PDE11A: variants seen among roughly 807,000 people sequenced by gnomAD.
PDE11A encodes phosphodiesterase 11A.
A neutral mutation model predicts 100.5 loss-of-function variants in PDE11A; 100 were observed. That is an observed-to-expected ratio of 1.00 (90% CI 0.85 to 1.18). The LOEUF (loss-of-function observed/expected upper bound fraction) is 1.18, where lower values mean the gene tolerates loss of function less well. Ranked by LOEUF, PDE11A falls within the 50% of genes most tolerant of loss-of-function variation. The pLI is 0.00. For missense variants in PDE11A, 1,141 were observed against 1,152.6 expected (o/e 0.99, Z 0.15); for synonymous variants, 381 against 420.8 (o/e 0.91, Z 1.16).
At chr2:177,806,923 G>A (rs1258796336) in intron 9 of PDE11A, among the ~76,000 whole-genome samples, 3 of 152,078 alleles carry the variant, frequency 2.0e-5, no homozygotes, top group Non-Finnish European at 4.4e-5. Context: ...CCAGAGAACT[G>A]TGGGCCAATA....
intron 15 of PDE11A, among the ~76,000 whole-genome samples, chr2:177,681,751 C>T (rs11901841): frequency 0.05 from 7,645 of 152,212 alleles, 625 homozygotes; most frequent in African/African-American, 0.17. Context: ...ATTATTCCTT[C>T]CTCCCTTTTG....
At chr2:177,962,844 G>GA (rs11297475) in intron 2 of PDE11A, among the ~76,000 whole-genome samples, 5 of 151,694 alleles carry the variant, frequency 3.3e-5, no homozygotes, top group African/African-American at 4.8e-5. Flanking sequence ...AAAAGCTAAA[G>GA]AAAAAAAATC....
In PDE11A at chr2:177,853,730, G is replaced by GTGTA. The variant is rs1234924515; in HGVS notation, c.1368-13348_1368-13347insTACA. Among the ~76,000 whole-genome samples, 299 of 88,376 alleles carry GTGTA rather than the reference G, an allele frequency of 3.4e-3. 6 individuals carry two copies. The highest frequency in any genetic ancestry group is 0.031 in the South Asian group (79 of 2,558). The allele number at this position is 88,376 out of a possible 152,430, so 58.0% of individuals were successfully genotyped here. A position where few individuals can be genotyped will look rare whatever the true frequency, so the allele number is the denominator to read the frequency against. The stretch of plus-strand genomic sequence containing the variant: ...TGTGTGTGTTTGTGTGTGTGTGTGT[G>GTGTA]TATATCTATATGTGTGTATATATAT... On this transcript the variant is annotated intron_variant, in intron 5 of 19. Transcript: ENST00000286063.
chr2:177,857,692 G>T (rs1342719125), intron 5 of PDE11A, among the ~76,000 whole-genome samples: 1 of 151,898 alleles, frequency 6.6e-6, no homozygotes, highest in East Asian at 1.9e-4. Context: ...TTTATCACTA[G>T]TTACATTAAA....
chr2:178,017,223 G>C (rs2086349882), intron 1 of PDE11A, among the ~76,000 whole-genome samples: 1 of 152,260 alleles, frequency 6.6e-6, no homozygotes, highest in Admixed American at 6.5e-5. Context: ...TGTATGTAGA[G>C]ACATTTTTCC....
chr2:177,775,313 C>T (rs748323034), intron 9 of PDE11A, among the ~76,000 whole-genome samples: 1 of 152,122 alleles, frequency 6.6e-6, no homozygotes, highest in African/African-American at 2.4e-5. Context: ...TCAGTCTTCC[C>T]CAGCTCTGTA....
chr2:177,629,733 C>A (rs1245243087), intron 19 of PDE11A, among the ~76,000 whole-genome samples, 171 bp from the exon 20 acceptor site: 1 of 152,032 alleles, frequency 6.6e-6, no homozygotes, highest in Admixed American at 6.6e-5. Flanking sequence ...CATTTAACAC[C>A]AATATGTTGT....
chr2:177,858,473 CA>C (rs1194612362), intron 5 of PDE11A, among the ~76,000 whole-genome samples: 1 of 151,164 alleles, frequency 6.6e-6, no homozygotes, highest in Non-Finnish European at 1.5e-5. Flanking sequence ...GAAATTTATG[CA>C]GCCAACAGAC....
chr2:177,631,310 A>C (rs1559116924), intron 19 of PDE11A, among the ~76,000 whole-genome samples: 32 of 41,414 alleles, frequency 7.7e-4, no homozygotes, highest in Non-Finnish European at 1.2e-3. Flanking sequence ...AAAAAAAAAA[A>C]CAAAAAAAAA....
intron 5 of PDE11A, among the ~76,000 whole-genome samples, chr2:177,863,060 G>T (rs1410139814): frequency 6.6e-6 from 1 of 151,760 alleles, no homozygotes; most frequent in East Asian, 1.9e-4. Flanking sequence ...TATGATGAAA[G>T]CACCAACAGG....
chr2:177,664,098 CTT>C, intron 18 of PDE11A, 149 bp from the exon 19 acceptor site: 1 of 638,406 alleles, frequency 1.6e-6, no homozygotes. Context: ...CTTTCTTTTC[CTT>C]TATCTATGAT....
chr2:177,996,513 A>C (rs1359745287), intron 2 of PDE11A, among the ~76,000 whole-genome samples: 1 of 150,988 alleles, frequency 6.6e-6, no homozygotes, highest in African/African-American at 2.4e-5. Context: ...ACGCTTATGT[A>C]TGTATGTATA....
chr2:177,898,142 A>G lies in PDE11A; in HGVS notation c.1218T>C (p.Ile406=). The change falls in exon 4 of 20, where the codon ATT becomes ATC. Residue 406 remains isoleucine, a synonymous_variant. Coordinates refer to ENST00000286063, the MANE Select transcript of PDE11A (RefSeq NM_016953.4). ...GGGCCCGATGCATTATTTTCTTGAC[A>G]ATTTTCTCCAGGTCAGTCTGTTCTT... ...LFEEQTDLEK[I]VKKIMHRAQT... is the part of the protein sequence containing the mutation. 1 of 1,610,754 alleles carries G rather than the reference A, an allele frequency of 6.2e-7. No homozygotes were observed. The highest frequency in any genetic ancestry group is 8.5e-7 in the Non-Finnish European group (1 of 1,176,908).
intron 2 of PDE11A, among the ~76,000 whole-genome samples, chr2:178,005,682 T>A (rs2086200478): frequency 6.6e-6 from 1 of 152,188 alleles, no homozygotes; most frequent in African/African-American, 2.4e-5. Flanking sequence ...ACGCAATAAA[T>A]AGTGAATGAA....
chr2:177,651,991 G>A (rs150269878), intron 19 of PDE11A, among the ~76,000 whole-genome samples: 2 of 152,340 alleles, frequency 1.3e-5, no homozygotes, highest in East Asian at 1.9e-4. Flanking sequence ...CATCCTGAAA[G>A]CATAAGATGC....
intron 12 of PDE11A, among the ~76,000 whole-genome samples, chr2:177,718,970 G>C (rs1012901150): frequency 1.3e-5 from 2 of 152,174 alleles, no homozygotes; most frequent in East Asian, 3.8e-4. Flanking sequence ...GCCGCCCCTT[G>C]CTGCACATAG....
chr2:177,790,899 G>A (rs1381453980), intron 9 of PDE11A, among the ~76,000 whole-genome samples: 2 of 152,212 alleles, frequency 1.3e-5, no homozygotes, highest in Non-Finnish European at 1.5e-5. Context: ...AGGTGCTGGA[G>A]AGGATGTGGA....
At chr2:177,661,450 C>T (rs2080484421) in intron 19 of PDE11A, among the ~76,000 whole-genome samples, 1 of 152,142 alleles carries the variant, frequency 6.6e-6, no homozygotes, top group African/African-American at 2.4e-5. Flanking sequence ...ATGGTGATTC[C>T]TGCCCACTGA....
chr2:177,649,974 G>C (rs1226306198), intron 19 of PDE11A, among the ~76,000 whole-genome samples: 1 of 152,148 alleles, frequency 6.6e-6, no homozygotes, highest in African/African-American at 2.4e-5. Context: ...TACAAGTACA[G>C]GGGCACAAAG....
Sources: allele counts gnomAD v4.1 joint callset (sites outside exome capture counted in the v4.1 genomes callset), GRCh38; gene constraint gnomAD v4.1.1; transcripts MANE v1.5; gene names NCBI Gene and HGNC (gene_info 2026-07-23, HGNC 2026-07-21).